ZBTB8B: variants seen among roughly 807,000 people sequenced by gnomAD.
The protein encoded by ZBTB8B is zinc finger and BTB domain containing 8B.
Under a neutral mutation model 30.3 loss-of-function variants are expected in ZBTB8B, and 17 were observed. The ratio of observed to expected loss-of-function variants is 0.56; its 90% CI spans 0.38 to 0.84. The LOEUF (loss-of-function observed/expected upper bound fraction) is 0.84, where lower values mean the gene tolerates loss of function less well. Ranked by LOEUF, ZBTB8B falls within the 40% of genes least tolerant of loss-of-function variation. The pLI, the probability that ZBTB8B is intolerant of heterozygous loss-of-function variation, is 0.00. For synonymous variants in ZBTB8B, 248 were observed against 255.6 expected (o/e 0.97, Z 0.28); for missense variants, 515 against 644.9 (o/e 0.80, Z 2.18).
chr1:32,468,950 G>C (rs986476774), intron 1 of ZBTB8B, among the ~76,000 whole-genome samples: 4 of 152,070 alleles, frequency 2.6e-5, no homozygotes, highest in African/African-American at 9.7e-5. Context: ...AGGACTTTGA[G>C]GGGTGGAGGC....
In ZBTB8B at chr1:32,468,328, A is replaced by G. The variant is rs1643589008; in HGVS notation, c.-41-2256A>G. ...ACATCCCTCACATCCTGCATCCCAC[A>G]GAGCAAAGAGTGCTCTTTTTTGAAA... On this transcript the variant is annotated intron_variant, in intron 1 of 3. Transcript: ENST00000609129. 2.0e-5 allele frequency among the ~76,000 whole-genome samples: 3 copies of G among 152,150 alleles called. No individual in the cohort carries two copies. In the East Asian group the frequency reaches 5.8e-4, roughly 29 times the overall value.
Position 32,489,993 on chromosome 1 carries a change from T to C in ZBTB8B, c.*4575T>C, listed in dbSNP as rs1643768829. On this transcript the variant is annotated 3_prime_UTR_variant, in exon 4 of 4. Transcript: ENST00000609129. ...ATTCTGGTGGTTTGGAATACTGAGATGGGTTTTTTTTGTTATTGTTCATTG... is the reference window on the plus strand; with the variant it reads ...ATTCTGGTGGTTTGGAATACTGAGACGGGTTTTTTTTGTTATTGTTCATTG... 3 of 152,164 alleles carry C rather than the reference T, an allele frequency of 2.0e-5. No individual in the cohort carries two copies. In the South Asian group the frequency reaches 6.2e-4, roughly 32 times the overall value. 9.4% of individuals were successfully genotyped at this position (152,164 alleles called of 1,614,324 possible).
rs373671451 is a variant in ZBTB8B at position 32,491,692 on chromosome 1, C to T, written c.*6274C>T. The T allele has an allele frequency of 6.6e-6, 1 of 152,200 alleles. No individual in the cohort carries two copies. Among genetic ancestry groups the T allele is most frequent in the East Asian group, 1.9e-4 (1 of 5,196 alleles). 9.4% of individuals were successfully genotyped at this position (152,200 alleles called of 1,614,324 possible). A position where few individuals can be genotyped will look rare whatever the true frequency, so the allele number is the denominator to read the frequency against. On this transcript the variant is annotated 3_prime_UTR_variant, in exon 4 of 4. Coordinates refer to ENST00000609129, the MANE Select transcript of ZBTB8B (RefSeq NM_001145720.2). ...CTATAAAAGACATGCCTGTTCCAAG[C>T]GTCACTGTACTTAGGGATGCCCAGA... is the stretch of plus-strand genomic sequence containing the variant.
At chr1:32,477,838 C>G (rs943232331) in intron 2 of ZBTB8B, among the ~76,000 whole-genome samples, 9 of 152,014 alleles carry the variant, frequency 5.9e-5, no homozygotes, top group Non-Finnish European at 1.3e-4. Flanking sequence ...GGGTGGATCA[C>G]CTGGGGTCAG....
At chr1:32,475,301 GC>G (rs1335093287) in intron 2 of ZBTB8B, among the ~76,000 whole-genome samples, 3 of 152,210 alleles carry the variant, frequency 2.0e-5, no homozygotes, top group Non-Finnish European at 4.4e-5. Flanking sequence ...ACAAATGTGG[GC>G]CGGGCTCAGT....
intron 3 of ZBTB8B, among the ~76,000 whole-genome samples, chr1:32,481,758 C>G (rs1227520351): frequency 6.6e-6 from 1 of 152,146 alleles, no homozygotes; most frequent in Non-Finnish European, 1.5e-5. Context: ...GCTCCTCTCC[C>G]ACCTCCCACC....
In ZBTB8B at chr1:32,493,587, C is replaced by T. The variant is rs1439895517; in HGVS notation, c.*8169C>T. On this transcript the variant is annotated 3_prime_UTR_variant, in exon 4 of 4. Transcript: ENST00000609129. ...CCAGCCTGGCCAACATGGTGAAACT[C>T]CGTCTCTACTAAAAATACAAAACAG... The T allele has an allele frequency of 6.6e-6, 1 of 151,454 alleles. No homozygotes were observed. The highest frequency in any genetic ancestry group is 1.5e-5 in the Non-Finnish European group (1 of 67,896). 9.4% of individuals were successfully genotyped at this position (151,454 alleles called of 1,614,324 possible). A position where few individuals can be genotyped will look rare whatever the true frequency, so the allele number is the denominator to read the frequency against.
chr1:32,475,646 G>A (rs1643659795), intron 2 of ZBTB8B, among the ~76,000 whole-genome samples: 1 of 152,006 alleles, frequency 6.6e-6, no homozygotes, highest in African/African-American at 2.4e-5. Flanking sequence ...AAGGTACTAG[G>A]GTTGAAAGAC....
At chr1:32,468,023 G>A (rs949836935) in intron 1 of ZBTB8B, among the ~76,000 whole-genome samples, 1 of 152,000 alleles carries the variant, frequency 6.6e-6, no homozygotes, top group African/African-American at 2.4e-5. Context: ...GGCTGAGGTA[G>A]GATGATTACT....
At chr1:32,483,298 G>A (rs1459176713) in intron 3 of ZBTB8B, among the ~76,000 whole-genome samples, 2 of 138,938 alleles carry the variant, frequency 1.4e-5, no homozygotes, top group Non-Finnish European at 1.5e-5. Context: ...GGTGGCACGC[G>A]CCTGTAGTCC....
rs1205531721 is a variant in ZBTB8B at position 32,486,169 on chromosome 1, C to T, written c.*751C>T. On this transcript the variant is annotated 3_prime_UTR_variant, in exon 4 of 4. Coordinates refer to ENST00000609129, the MANE Select transcript of ZBTB8B (RefSeq NM_001145720.2). ...AACCTGTTCTGTTATCATAAAACAA[C>T]TCATTTGGGCAAAACTCAAAATGCT... The T allele has an allele frequency of 6.6e-6, 1 of 152,236 alleles. No individual in the cohort carries two copies. Among genetic ancestry groups the T allele is most frequent in the African/African-American group, 2.4e-5 (1 of 41,464 alleles). 9.4% of individuals were successfully genotyped at this position (152,236 alleles called of 1,614,324 possible).
Position 32,486,146 on chromosome 1 carries a change from C to T in ZBTB8B, c.*728C>T, listed in dbSNP as rs1352401310. On this transcript the variant is annotated 3_prime_UTR_variant, in exon 4 of 4. Transcript: ENST00000609129. ...GCATTTGACGATTCTACACATACAA[C>T]CTGTTCTGTTATCATAAAACAACTC... 2.6e-5 allele frequency: 4 copies of T among 152,392 alleles called. No homozygotes were observed. Among genetic ancestry groups the T allele is most frequent in the Admixed American group, 2.0e-4 (3 of 15,302 alleles). 9.4% of individuals were successfully genotyped at this position (152,392 alleles called of 1,614,324 possible).
At chr1:32,480,665 TC>T (rs2148184886) in intron 2 of ZBTB8B, among the ~76,000 whole-genome samples, 1 of 152,324 alleles carries the variant, frequency 6.6e-6, no homozygotes, top group East Asian at 1.9e-4. Flanking sequence ...CTTATAGCAT[TC>T]CCGACATTAT....
chr1:32,480,759 G>C (rs1442886719), intron 2 of ZBTB8B, 132 bp from the exon 3 acceptor site: 1 of 747,800 alleles, frequency 1.3e-6, no homozygotes, highest in African/African-American at 1.8e-5. Flanking sequence ...CTGTTGGCTG[G>C]TGGCGGAGTT....
rs1009012024 is a variant in ZBTB8B at position 32,471,166 on chromosome 1, A to T, written c.542A>T (p.Glu181Val). 3.2e-6 allele frequency: 5 copies of T among 1,551,666 alleles called. No homozygotes were observed. In the African/African-American group the frequency reaches 5.5e-5, roughly 17 times the overall value. Residue 181 changes from glutamate to valine, a missense_variant, in exon 2 of 4, where the codon GAG (glutamate) becomes GTG (valine). Coordinates refer to ENST00000609129, the MANE Select transcript of ZBTB8B (RefSeq NM_001145720.2). Reference protein sequence around the residue: ...GTKSLVSSPAEGEKSVECLRE... With the variant: ...GTKSLVSSPAVGEKSVECLRE... ...AAGAGCTTGGTCTCCTCTCCAGCCGAGGGAGAAAAGAGCGTGGAGTGCCTG... is the reference window on the plus strand; with the variant it reads ...AAGAGCTTGGTCTCCTCTCCAGCCGTGGGAGAAAAGAGCGTGGAGTGCCTG...
At chr1:32,467,670 G>T (rs1346569702) in intron 1 of ZBTB8B, among the ~76,000 whole-genome samples, 5 of 152,168 alleles carry the variant, frequency 3.3e-5, no homozygotes, top group Admixed American at 3.3e-4. Flanking sequence ...TACTGTAAGG[G>T]ATATAAAATT....
rs901679603 is a variant in ZBTB8B, at chr1:32,465,935, A to G, written c.-42+830A>G. On this transcript the variant is annotated intron_variant, in intron 1 of 3. Transcript: ENST00000609129. The surrounding 1 kb of genome is among the most constrained non-coding windows in gnomAD (Gnocchi z 4.1). ...GTGGCGCGCACCTGTAGTCCCTGCT[A>G]CTCGGGAAGCTAAGGTTGGGAGGAT... Among the ~76,000 whole-genome samples the G allele has an allele frequency of 9.2e-5, 14 of 152,060 alleles. 1 individual carries two copies. Among genetic ancestry groups the G allele is most frequent in the African/African-American group, 2.9e-4 (12 of 41,396 alleles).
At chr1:32,471,647 A>G in intron 2 of ZBTB8B, 32 bp downstream of exon 2, 1 of 1,531,878 alleles carries the variant, frequency 6.5e-7, no homozygotes, top group East Asian at 2.5e-5. Context: ...CAGCCCTGCC[A>G]GTGATTGAGT....
At chr1:32,467,090 G>A (rs959881923) in intron 1 of ZBTB8B, among the ~76,000 whole-genome samples, 5 of 152,126 alleles carry the variant, frequency 3.3e-5, no homozygotes, top group African/African-American at 1.2e-4. Context: ...CTGGGAGGTC[G>A]AGGCGGCAGT....
Sources: gnomAD v4.1 joint callset for allele counts (sites outside exome capture counted in the v4.1 genomes callset) on GRCh38, gnomAD v4.1.1 for gene constraint, Gnocchi (gnomAD v3.1) non-coding constraint, MANE v1.5 for transcripts, NCBI Gene and HGNC (gene_info 2026-07-23, HGNC 2026-07-21) for gene names.